ABI2: variants seen among roughly 807,000 people sequenced by gnomAD.
The protein encoded by ABI2 is abelson interactor 2.
ABI2 carries 25 observed loss-of-function variants against 59.2 expected under a neutral mutation model. The ratio of observed to expected loss-of-function variants is 0.42; its 90% CI spans 0.31 to 0.59. ABI2 has a LOEUF of 0.59. ABI2 is among the 20% of genes least tolerant of loss of function. The pLI is 0.14. For synonymous variants in ABI2, 213 were observed against 235.5 expected, an observed-to-expected ratio of 0.90 and a Z score of 0.87; for missense variants, 545 against 681.8, an observed-to-expected ratio of 0.80 and a Z score of 2.23.
intron 5 of ABI2, among the ~76,000 whole-genome samples, chr2:203,392,315 C>T (rs57525574): frequency 4.5e-5 from 5 of 110,072 alleles, no homozygotes; most frequent in African/African-American, 1.8e-4. Context: ...CCACCACCAC[C>T]AACAACAACA....
chr2:203,338,454 A>T (rs537670469), intron 1 of ABI2, among the ~76,000 whole-genome samples: 1 of 152,048 alleles, frequency 6.6e-6, no homozygotes, highest in South Asian at 2.1e-4. Flanking sequence ...GTGATAAGTG[A>T]GTTCTTGCTT....
chr2:203,337,119 A>C (rs2076820907), intron 1 of ABI2, among the ~76,000 whole-genome samples: 1 of 152,230 alleles, frequency 6.6e-6, no homozygotes. Flanking sequence ...CTATTTAATC[A>C]AGTACTGCAA....
intron 1 of ABI2, among the ~76,000 whole-genome samples, chr2:203,338,957 TATATAA>T (rs1169963167): frequency 3.4e-4 from 3 of 8,906 alleles, no homozygotes; most frequent in African/African-American, 6.9e-4. Flanking sequence ...TATATATATA[TATATAA>T]ATATATATAT....
At chr2:203,365,583 T>C (rs929239346) in intron 1 of ABI2, among the ~76,000 whole-genome samples, 4 of 151,472 alleles carry the variant, frequency 2.6e-5, no homozygotes, top group African/African-American at 9.7e-5. Context: ...AGGAAAAATA[T>C]TTCTCTCTCT....
chr2:203,341,661 G>T (rs961930873), intron 1 of ABI2, among the ~76,000 whole-genome samples: 2 of 152,052 alleles, frequency 1.3e-5, no homozygotes, highest in Non-Finnish European at 2.9e-5. Flanking sequence ...AGTGAGCCTA[G>T]ATTGCACCAC....
intron 11 of ABI2, among the ~76,000 whole-genome samples, chr2:203,419,843 C>G (rs1358794906): frequency 2.0e-5 from 3 of 151,944 alleles, no homozygotes; most frequent in East Asian, 3.9e-4. Flanking sequence ...ACAAAATTAG[C>G]TGGGCATGGT....
chr2:203,339,216 G>A (rs527300957), intron 1 of ABI2, among the ~76,000 whole-genome samples: 1 of 151,174 alleles, frequency 6.6e-6, no homozygotes, highest in South Asian at 2.1e-4. Context: ...AGAGATAAGT[G>A]TTGGCAAGCA....
chr2:203,353,210 C>T (rs1379076293), intron 1 of ABI2, among the ~76,000 whole-genome samples: 1 of 151,940 alleles, frequency 6.6e-6, no homozygotes, highest in Non-Finnish European at 1.5e-5. Flanking sequence ...TTTCAGATTA[C>T]AATTATCATA....
chr2:203,369,389 G>C (rs1287241388), intron 2 of ABI2, among the ~76,000 whole-genome samples: 1 of 152,010 alleles, frequency 6.6e-6, no homozygotes, highest in Non-Finnish European at 1.5e-5. Context: ...ATGACAACAA[G>C]CAAATAGCAA....
chr2:203,373,199 G>A (rs559418941), intron 2 of ABI2, among the ~76,000 whole-genome samples: 5,541 of 152,046 alleles, frequency 0.036, 255 homozygotes, highest in African/African-American at 0.12. Flanking sequence ...ACCAGACTCT[G>A]TCTGCAATCC....
intron 2 of ABI2, 22 bp downstream of exon 2, chr2:203,367,066 A>C: frequency 1.3e-6 from 2 of 1,599,946 alleles, no homozygotes; most frequent in Non-Finnish European, 1.7e-6. Context: ...ATATTTTCCT[A>C]TTTGCCTATG....
intron 1 of ABI2, chr2:203,342,063 A>G (rs2080252175): frequency 2.8e-6 from 1 of 360,322 alleles, no homozygotes; most frequent in Non-Finnish European, 5.4e-6. Flanking sequence ...GAGAGGAATT[A>G]TGTTCATTTT....
At chr2:203,426,676 G>C (rs2098433575) in intron 11 of ABI2, among the ~76,000 whole-genome samples, 1 of 151,604 alleles carries the variant, frequency 6.6e-6, no homozygotes, top group Admixed American at 6.6e-5. Context: ...AGGCTCCAGA[G>C]AGAGTGAGAA....
At chr2:203,421,828 G>C (rs1162960110) in intron 11 of ABI2, among the ~76,000 whole-genome samples, 1 of 152,082 alleles carries the variant, frequency 6.6e-6, no homozygotes, top group Non-Finnish European at 1.5e-5. Context: ...GCTGGGTGTG[G>C]TGGTGCACGC....
At chr2:203,424,341 T>C (rs2098344993) in intron 11 of ABI2, among the ~76,000 whole-genome samples, 1 of 152,196 alleles carries the variant, frequency 6.6e-6, no homozygotes, top group South Asian at 2.1e-4. Context: ...TGTATATCTT[T>C]CCCTGGAGTG....
At chr2:203,360,323 G>A (rs1576916234) in intron 1 of ABI2, among the ~76,000 whole-genome samples, 2 of 152,028 alleles carry the variant, frequency 1.3e-5, no homozygotes, top group African/African-American at 2.4e-5. Flanking sequence ...ATGTGAGGTC[G>A]GTTATCAATG....
chr2:203,411,976 C>G lies in ABI2; in HGVS notation c.1279+605C>G, dbSNP rs537423135. On this transcript the variant is annotated intron_variant, in intron 10 of 11. Coordinates refer to ENST00000261018, the MANE Select transcript of ABI2 (RefSeq NM_001375670.1). ...AGTGAGGAATTGCTGTCACAGAGAC[C>G]AGTGAACATAGACTGTATGATGGAC... Among the ~76,000 whole-genome samples the G allele has an allele frequency of 3.3e-5, 5 of 152,264 alleles. No homozygotes were observed. In the East Asian group the frequency reaches 9.7e-4, roughly 29 times the overall value.
chr2:203,425,348 G>A lies in ABI2; in HGVS notation c.1454-1829G>A, dbSNP rs1033415486. 1.8e-4 allele frequency among the ~76,000 whole-genome samples: 27 copies of A among 152,022 alleles called. No homozygotes were observed. In the East Asian group the frequency reaches 4.7e-3, roughly 26 times the overall value. ...CTCCCAAGTAGCTGGGATTACAGGC[G>A]CCCACCACCACGCTTGGCTAATTTT... On this transcript the variant is annotated intron_variant, in intron 11 of 11. Coordinates refer to ENST00000261018, the MANE Select transcript of ABI2 (RefSeq NM_001375670.1).
chr2:203,387,027 C>T (rs1199502126), intron 4 of ABI2, among the ~76,000 whole-genome samples: 7 of 146,348 alleles, frequency 4.8e-5, no homozygotes, highest in Non-Finnish European at 1.1e-4. Context: ...ACCGTTTTGT[C>T]TCCTTTTTTT....
Sources: allele counts gnomAD v4.1 joint callset (sites outside exome capture counted in the v4.1 genomes callset), GRCh38; gene constraint gnomAD v4.1.1; transcripts MANE v1.5; gene names NCBI Gene and HGNC (gene_info 2026-07-23, HGNC 2026-07-21).